THSD7B: variants seen among roughly 807,000 people sequenced by gnomAD.
THSD7B encodes thrombospondin type 1 domain containing 7B.
In THSD7B, 138 loss-of-function variants were observed where a neutral mutation model predicts 213.6. That is an observed-to-expected ratio of 0.65 (90% confidence interval 0.56 to 0.74). The LOEUF is 0.74. Ranked by LOEUF, THSD7B falls within the 30% of genes least tolerant of loss-of-function variation. The pLI, the probability that THSD7B is intolerant of heterozygous loss-of-function variation, is 0.00. For synonymous variants in THSD7B, 742 were observed against 687.0 expected, an observed-to-expected ratio of 1.08 and a Z score of -1.25; for missense variants, 1,931 against 1,991.5, an observed-to-expected ratio of 0.97 and a Z score of 0.58.
rs991634513 is a variant in THSD7B at position 137,453,902 on chromosome 2, G to A, written c.3138+2879G>A. 3.9e-5 allele frequency among the ~76,000 whole-genome samples: 6 copies of A among 152,078 alleles called. 1 individual carries two copies. The highest frequency in any genetic ancestry group is 1.3e-4 in the Admixed American group (2 of 15,276). ...CCTGGATTATTTCACTTATCATAAG[G>A]TTTTCCAGTTGCATCCATGTAGTCT... is the stretch of plus-strand genomic sequence containing the variant. On this transcript the variant is annotated intron_variant, in intron 15 of 27. Coordinates refer to ENST00000409968, the MANE Select transcript of THSD7B (RefSeq NM_001316349.2).
chr2:137,456,322 A>G (rs1160559214), intron 15 of THSD7B, among the ~76,000 whole-genome samples: 2 of 152,242 alleles, frequency 1.3e-5, no homozygotes, highest in Non-Finnish European at 2.9e-5. Context: ...AAAAATTTAT[A>G]TGGAGAAGTA....
chr2:137,048,739 G>C (rs760070449), intron 2 of THSD7B, among the ~76,000 whole-genome samples: 1 of 152,128 alleles, frequency 6.6e-6, no homozygotes, highest in African/African-American at 2.4e-5. Flanking sequence ...AGCATGTATT[G>C]ATCATTCACT....
At chr2:136,766,251 T>C (rs1028600946) in intron 1 of THSD7B, among the ~76,000 whole-genome samples, 2 of 152,194 alleles carry the variant, frequency 1.3e-5, no homozygotes, top group African/African-American at 2.4e-5. Flanking sequence ...CAAGAAGTTT[T>C]GCAGCTTCCT....
At chr2:137,066,024 C>A (rs1687370854) in intron 3 of THSD7B, among the ~76,000 whole-genome samples, 1 of 151,886 alleles carries the variant, frequency 6.6e-6, no homozygotes, top group Admixed American at 6.6e-5. Context: ...TTTCGTAGAT[C>A]TGAGTTTCTA....
chr2:137,646,485 T>TGCA (rs1683032920), intron 21 of THSD7B, among the ~76,000 whole-genome samples: 1 of 35,702 alleles, frequency 2.8e-5, no homozygotes, highest in African/African-American at 1.1e-4. Context: ...CTACTACAAA[T>TGCA]ACAAAAAAAA....
chr2:137,213,793 A>G (rs890931451), intron 7 of THSD7B, among the ~76,000 whole-genome samples: 9 of 152,202 alleles, frequency 5.9e-5, no homozygotes, highest in African/African-American at 2.2e-4. Flanking sequence ...AAAGTAGATA[A>G]TGGCTACTGG....
At chr2:137,335,031 T>A (rs1172666919) in intron 12 of THSD7B, among the ~76,000 whole-genome samples, 2 of 152,176 alleles carry the variant, frequency 1.3e-5, no homozygotes, top group Non-Finnish European at 2.9e-5. Flanking sequence ...CCCAGCAATG[T>A]GGAACTATAA....
chr2:137,453,326 C>CTT (rs70978223), intron 15 of THSD7B, among the ~76,000 whole-genome samples: 1,488 of 96,786 alleles, frequency 0.015, 160 homozygotes, highest in African/African-American at 0.037. Context: ...TTGAAATTTA[C>CTT]TTTTTTTTTT....
chr2:137,631,390 TC>T (rs1224831155), intron 20 of THSD7B, among the ~76,000 whole-genome samples: 8 of 152,182 alleles, frequency 5.3e-5, no homozygotes, highest in Admixed American at 5.2e-4. Flanking sequence ...TGTTATTAAA[TC>T]CAGACTATGA....
chr2:137,450,766 C>A (rs190728230), intron 14 of THSD7B, 79 bp from the exon 15 acceptor site: 45 of 1,160,050 alleles, frequency 3.9e-5, no homozygotes, highest in Non-Finnish European at 2.4e-6. Context: ...AAAATCCAAA[C>A]TGTGATCATG....
chr2:137,013,501 C>G (rs1350720984), intron 2 of THSD7B, among the ~76,000 whole-genome samples: 1 of 152,088 alleles, frequency 6.6e-6, no homozygotes, highest in Non-Finnish European at 1.5e-5. Context: ...AGAGGAAGTT[C>G]CAGAGGTGGG....
intron 7 of THSD7B, among the ~76,000 whole-genome samples, chr2:137,182,408 G>T (rs1680471827): frequency 6.7e-6 from 1 of 148,324 alleles, no homozygotes; most frequent in Non-Finnish European, 1.5e-5. Context: ...TATTTTTACA[G>T]AAATGTTCAC....
At chr2:137,659,968 T>A (rs1409443062) in intron 25 of THSD7B, among the ~76,000 whole-genome samples, 1 of 152,234 alleles carries the variant, frequency 6.6e-6, no homozygotes, top group Non-Finnish European at 1.5e-5. Context: ...AATCTATCTT[T>A]CAAATACCTA....
chr2:137,447,326 G>A (rs959071543), intron 14 of THSD7B, among the ~76,000 whole-genome samples: 2 of 151,936 alleles, frequency 1.3e-5, no homozygotes, highest in African/African-American at 4.8e-5. Context: ...TTTAACATAG[G>A]GTCTACATAG....
Position 137,047,202 on chromosome 2 carries a change from C to T in THSD7B, c.140-9218C>T, listed in dbSNP as rs567278423. Among the ~76,000 whole-genome samples the T allele has an allele frequency of 2.6e-5, 4 of 152,090 alleles. No homozygotes were observed. In the East Asian group the frequency reaches 7.7e-4, roughly 29 times the overall value. ...TGGTCTGCGCCAAGGTTGCAGGTGG[C>T]GGTGGAATGGGATGAAGAAACTGGG... On this transcript the variant is annotated intron_variant, in intron 2 of 27. Coordinates refer to ENST00000409968, the MANE Select transcript of THSD7B (RefSeq NM_001316349.2).
At chr2:137,204,575 A>G (rs1284053544) in intron 7 of THSD7B, among the ~76,000 whole-genome samples, 2 of 152,152 alleles carry the variant, frequency 1.3e-5, no homozygotes, top group African/African-American at 4.8e-5. Context: ...TTCAGAAATA[A>G]GATGCCATTT....
chr2:137,518,670 C>CT (rs1680120563), intron 15 of THSD7B, among the ~76,000 whole-genome samples: 1 of 152,136 alleles, frequency 6.6e-6, no homozygotes, highest in African/African-American at 2.4e-5. Flanking sequence ...ACCACTCATC[C>CT]TTTTTCCCCA....
chr2:137,276,046 G>GT lies in THSD7B; in HGVS notation c.2500+29dup, dbSNP rs199954270. 0.015 allele frequency: 22,824 copies of GT among 1,554,284 alleles called. 150 individuals carry two copies. The highest frequency in any genetic ancestry group is 0.022 in the South Asian group (1,843 of 84,266). On this transcript the variant is annotated intron_variant, in intron 12 of 27. Coordinates refer to ENST00000409968, the MANE Select transcript of THSD7B (RefSeq NM_001316349.2). ...CAAGAGGTATGATGATTTTTACATA[G>GT]TTTTTTTTTATTAATACGTAAGTTA...
intron 1 of THSD7B, among the ~76,000 whole-genome samples, chr2:136,780,673 G>A (rs971625144): frequency 3.9e-5 from 6 of 152,166 alleles, no homozygotes; most frequent in African/African-American, 1.4e-4. Flanking sequence ...ACCTGACAAA[G>A]TCTTTCATAT....
Sources: gnomAD v4.1 joint callset for allele counts (sites outside exome capture counted in the v4.1 genomes callset) on GRCh38, gnomAD v4.1.1 for gene constraint, MANE v1.5 for transcripts, NCBI Gene and HGNC (gene_info 2026-07-23, HGNC 2026-07-21) for gene names.